NRXN3: variants seen among roughly 807,000 people sequenced by gnomAD.
NRXN3 encodes the protein neurexin III.
A neutral mutation model predicts 137.6 loss-of-function variants in NRXN3; 32 were observed. The observed-to-expected ratio is 0.23, with a 90% CI of 0.18 to 0.31. NRXN3 has a LOEUF of 0.31. Among genes scored for constraint, NRXN3 ranks in the 10% least tolerant of loss-of-function variants. NRXN3 has a pLI of 1.00. For synonymous variants in NRXN3, 798 were observed against 784.5 expected, an observed-to-expected ratio of 1.02 and a Z score of -0.29; for missense variants, 1,574 against 2,062.5, an observed-to-expected ratio of 0.76 and a Z score of 4.59.
chr14:79,697,308 G>A (rs747960407), intron 18 of NRXN3, among the ~76,000 whole-genome samples: 7 of 151,878 alleles, frequency 4.6e-5, no homozygotes, highest in Non-Finnish European at 8.8e-5. Flanking sequence ...CCTGATTTGA[G>A]TGTTTCTTTC....
At chr14:79,649,589 T>C (rs982749817) in intron 16 of NRXN3, among the ~76,000 whole-genome samples, 2 of 152,184 alleles carry the variant, frequency 1.3e-5, no homozygotes, top group African/African-American at 4.8e-5. Flanking sequence ...TGTTTGTATA[T>C]GTTCAGCTCT....
At chr14:79,816,952 G>A (rs1261269881) in intron 20 of NRXN3, among the ~76,000 whole-genome samples, 1 of 152,188 alleles carries the variant, frequency 6.6e-6, no homozygotes, top group East Asian at 1.9e-4. Flanking sequence ...AAAAAGGAAA[G>A]TGTTGCAGCT....
chr14:79,574,295 C>T (rs2097644988), intron 16 of NRXN3, among the ~76,000 whole-genome samples: 1 of 151,828 alleles, frequency 6.6e-6, no homozygotes, highest in Non-Finnish European at 1.5e-5. Context: ...GATGGTATAG[C>T]ATAAAGGTTA....
chr14:79,339,553 T>C (rs1196201552), intron 15 of NRXN3, among the ~76,000 whole-genome samples: 1 of 152,240 alleles, frequency 6.6e-6, no homozygotes, highest in Admixed American at 6.5e-5. Flanking sequence ...CCACCTGCAT[T>C]AGCATCACCT....
intron 15 of NRXN3, among the ~76,000 whole-genome samples, chr14:79,308,952 C>G (rs1303629149): frequency 8.5e-6 from 1 of 117,286 alleles, no homozygotes; most frequent in African/African-American, 3.3e-5. Context: ...TTATTATACT[C>G]TAAGTTTTAG....
At chr14:78,433,945 G>A (rs2093976725) in intron 4 of NRXN3, among the ~76,000 whole-genome samples, 2 of 152,066 alleles carry the variant, frequency 1.3e-5, no homozygotes, top group African/African-American at 4.8e-5. Context: ...ACAAACCCAT[G>A]GTAAGTTGAA....
At chr14:78,394,260 C>T (rs1428030006) in intron 4 of NRXN3, among the ~76,000 whole-genome samples, 1 of 151,836 alleles carries the variant, frequency 6.6e-6, no homozygotes, top group Admixed American at 6.6e-5. Context: ...AGAAGTTCAT[C>T]TCTATTTTTA....
chr14:79,005,709 AT>A (rs2099551005), intron 15 of NRXN3, among the ~76,000 whole-genome samples: 1 of 152,096 alleles, frequency 6.6e-6, no homozygotes, highest in Non-Finnish European at 1.5e-5. Flanking sequence ...TCATCTAGAT[AT>A]GTTCAATGGG....
intron 16 of NRXN3, among the ~76,000 whole-genome samples, chr14:79,470,434 G>A (rs540259763): frequency 6.6e-6 from 1 of 152,124 alleles, no homozygotes; most frequent in Non-Finnish European, 1.5e-5. Flanking sequence ...GGAACCCCAT[G>A]TTTTCACATG....
chr14:79,447,554 T>C (rs2096083363), intron 15 of NRXN3, among the ~76,000 whole-genome samples: 1 of 152,226 alleles, frequency 6.6e-6, no homozygotes, highest in African/African-American at 2.4e-5. Context: ...CTCCTTTTCT[T>C]ATAAAGGCTC....
chr14:79,511,056 T>C (rs1408581535), intron 16 of NRXN3, among the ~76,000 whole-genome samples: 1 of 152,120 alleles, frequency 6.6e-6, no homozygotes, highest in Non-Finnish European at 1.5e-5. Flanking sequence ...GAATTCTTAA[T>C]GATTCTGTTA....
At chr14:79,141,692 A>G (rs1197941417) in intron 15 of NRXN3, among the ~76,000 whole-genome samples, 1 of 152,186 alleles carries the variant, frequency 6.6e-6, no homozygotes, top group Non-Finnish European at 1.5e-5. Flanking sequence ...AACCATCCTG[A>G]GAAAATAAAG....
At chr14:79,687,018 A>C (rs1453230137) in intron 17 of NRXN3, among the ~76,000 whole-genome samples, 5 of 152,174 alleles carry the variant, frequency 3.3e-5, no homozygotes, top group Non-Finnish European at 1.5e-5. Context: ...ACTTCCCACA[A>C]GCTGATCAAT....
chr14:79,474,585 T>TCC (rs2096543098), intron 16 of NRXN3, among the ~76,000 whole-genome samples: 1 of 152,122 alleles, frequency 6.6e-6, no homozygotes, highest in African/African-American at 2.4e-5. Flanking sequence ...GTCAATAGGA[T>TCC]AAGTGACCCT....
intron 15 of NRXN3, among the ~76,000 whole-genome samples, chr14:79,269,520 C>A (rs2078981759): frequency 6.6e-6 from 1 of 152,136 alleles, no homozygotes; most frequent in South Asian, 2.1e-4. Context: ...TAACATCCTT[C>A]TTTTTCTTAC....
intron 15 of NRXN3, among the ~76,000 whole-genome samples, chr14:79,413,312 G>C (rs866096268): frequency 3.3e-5 from 5 of 152,094 alleles, no homozygotes; most frequent in Non-Finnish European, 7.4e-5. Flanking sequence ...AGTGTTGGAG[G>C]CTGCACAAGT....
At chr14:78,694,036 T>A (rs2098200369) in intron 6 of NRXN3, among the ~76,000 whole-genome samples, 1 of 151,992 alleles carries the variant, frequency 6.6e-6, no homozygotes, top group African/African-American at 2.4e-5. Context: ...CTAATGCCAC[T>A]CATTTATCAG....
rs76747079 is a variant in NRXN3, at chr14:79,471,646, A to C, written c.3444+4244A>C. 6.5e-3 allele frequency among the ~76,000 whole-genome samples: 990 copies of C among 152,256 alleles called. 13 individuals carry two copies. Among genetic ancestry groups the C allele is most frequent in the African/African-American group, 0.023 (953 of 41,540 alleles). Reference sequence around the variant, plus strand: ...CCTGTGACAGAATTTAAGTTTTGATAGGAGAGTTGGACAGAAAGGAAGAAA... The same window carrying C: ...CCTGTGACAGAATTTAAGTTTTGATCGGAGAGTTGGACAGAAAGGAAGAAA... On this transcript the variant is annotated intron_variant, in intron 16 of 20. Coordinates refer to ENST00000335750, the MANE Select transcript of NRXN3 (RefSeq NM_001330195.2).
chr14:79,627,224 C>T (rs17836238), intron 16 of NRXN3, among the ~76,000 whole-genome samples: 13,504 of 152,102 alleles, frequency 0.089, 810 homozygotes, highest in Non-Finnish European at 0.13. Flanking sequence ...GCAGTTCTGG[C>T]AAATATCCTC....
Sources: allele counts gnomAD v4.1 joint callset (sites outside exome capture counted in the v4.1 genomes callset), GRCh38; gene constraint gnomAD v4.1.1; transcripts MANE v1.5; gene names NCBI Gene and HGNC (gene_info 2026-07-23, HGNC 2026-07-21).